ANKDD1A: variants seen among roughly 807,000 people sequenced by gnomAD.
ANKDD1A encodes ankyrin repeat and death domain containing 1A, also known as ankyrin repeat and death domain-containing protein 1A.
In ANKDD1A, 59 loss-of-function variants were observed where a neutral mutation model predicts 63.5. That is an observed-to-expected ratio of 0.93 (90% CI 0.75 to 1.15). The LOEUF is 1.15. Ranked by LOEUF, ANKDD1A falls within the 50% of genes most tolerant of loss-of-function variation. The pLI is 0.00. For synonymous variants in ANKDD1A, 266 were observed against 263.9 expected, an observed-to-expected ratio of 1.01 and a Z score of -0.08; for missense variants, 632 against 656.4, an observed-to-expected ratio of 0.96 and a Z score of 0.41.
In ANKDD1A at chr15:64,945,617, T is replaced by TATATATATATATATATATATAC. The variant is rs1177204265; in HGVS notation, c.1161+884_1161+885insATATATACATATATATATATAT. The stretch of plus-strand genomic sequence containing the variant: ...TAAATGCATTTTCAACATATATATA[T>TATATATATATATATATATATAC]ATATATATATATATGAACTTTTTTT... On this transcript the variant is annotated intron_variant, in intron 12 of 14. Transcript: ENST00000319580. 6.7e-4 allele frequency among the ~76,000 whole-genome samples: 48 copies of TATATATATATATATATATATAC among 71,286 alleles called. 1 individual carries two copies. The highest frequency in any genetic ancestry group is 3.0e-3 in the African/African-American group (48 of 16,176). 46.8% of individuals were successfully genotyped at this position (71,286 alleles called of 152,430 possible).
chr15:64,932,284 CAGATGA>C (rs2085098036), intron 8 of ANKDD1A: 1 of 152,218 alleles, frequency 6.6e-6, no homozygotes, highest in Non-Finnish European at 1.5e-5. Context: ...ACCCATTTTG[CAGATGA>C]GAAAACTGGA....
chr15:64,954,478 TTTCTTCTTCCTTCTCC>T lies in ANKDD1A; in HGVS notation c.1484-2610_1484-2595del, dbSNP rs1383594019. Among the ~76,000 whole-genome samples, 1,402 of 149,012 alleles carry T rather than the reference TTTCTTCTTCCTTCTCC, an allele frequency of 9.4e-3. 19 individuals are homozygous for T. The highest frequency in any genetic ancestry group is 0.033 in the African/African-American group (1,327 of 40,286). On this transcript the variant is annotated intron_variant, in intron 14 of 14. Transcript: ENST00000319580. ...CTTCCCTCTTCTCCTTCTTCCTCTTTTTCTTCTTCCTTCTCCTTCTTCTTCCTTCTTCTCCTCTTTC... is the reference window on the plus strand; with the variant it reads ...CTTCCCTCTTCTCCTTCTTCCTCTTTTTCTTCTTCCTTCTTCTCCTCTTTC...
chr15:64,922,700 G>A (rs774911915), intron 4 of ANKDD1A, among the ~76,000 whole-genome samples: 1 of 152,256 alleles, frequency 6.6e-6, no homozygotes, highest in Middle Eastern at 3.4e-3. Context: ...GGAGTGCAGT[G>A]GCATGATCTC....
At chr15:64,950,782 G>C (rs1595857677) in intron 14 of ANKDD1A, 4 of 955,122 alleles carry the variant, frequency 4.2e-6, no homozygotes, top group Non-Finnish European at 4.9e-6. Context: ...GAAAAGCTAA[G>C]ACTCATTTCA....
At chr15:64,953,061 TCC>T (rs2085329993) in intron 14 of ANKDD1A, among the ~76,000 whole-genome samples, 1 of 148,568 alleles carries the variant, frequency 6.7e-6, no homozygotes, top group Non-Finnish European at 1.5e-5. Context: ...TCTTTTTTCT[TCC>T]TCTTTCCTTC....
chr15:64,935,440 C>G (rs1476649543), intron 9 of ANKDD1A, among the ~76,000 whole-genome samples: 1 of 151,922 alleles, frequency 6.6e-6, no homozygotes, highest in South Asian at 2.1e-4. Flanking sequence ...CTTTGGGAGG[C>G]CGAGGCGGGC....
rs1321190311 is a variant in ANKDD1A at position 64,954,163 on chromosome 15, CTTCTTTCTTTT to C, written c.1484-2939_1484-2929del. On this transcript the variant is annotated intron_variant, in intron 14 of 14. Transcript: ENST00000319580. ...TTCTTCTTGTTCCTTATTATTCTTT[CTTCTTTCTTTT>C]CTTCTTCTTCTCCTTCTTTCTTGTT... Among the ~76,000 whole-genome samples the C allele has an allele frequency of 3.1e-3, 402 of 131,538 alleles. 1 individual carries two copies. The highest frequency in any genetic ancestry group is 9.9e-3 in the African/African-American group (378 of 38,104). 86.3% of individuals were successfully genotyped at this position (131,538 alleles called of 152,430 possible). A position where few individuals can be genotyped will look rare whatever the true frequency, so the allele number is the denominator to read the frequency against.
At chr15:64,956,422 A>G (rs1014409038) in intron 14 of ANKDD1A, among the ~76,000 whole-genome samples, 7 of 151,984 alleles carry the variant, frequency 4.6e-5, no homozygotes, top group Admixed American at 6.6e-5. Context: ...GGTGGCGGGC[A>G]CCTGTAGTCA....
At chr15:64,954,425 CTTCG>C (rs1436992462) in intron 14 of ANKDD1A, among the ~76,000 whole-genome samples, 19 of 147,442 alleles carry the variant, frequency 1.3e-4, no homozygotes, top group African/African-American at 4.2e-4. Context: ...TCCTCTCCTC[CTTCG>C]TTCGTCGTCT....
chr15:64,951,322 T>C, intron 14 of ANKDD1A: 1 of 811,684 alleles, frequency 1.2e-6, no homozygotes, highest in Non-Finnish European at 1.4e-6. Flanking sequence ...TCTTCTTTCT[T>C]CTTTCCTCTT....
Position 64,957,902 on chromosome 15 carries a change from C to T in ANKDD1A, c.*714C>T, listed in dbSNP as rs1193653891. 1 of 152,060 alleles carries T rather than the reference C, an allele frequency of 6.6e-6. No homozygotes were observed. The highest frequency in any genetic ancestry group is 6.6e-5 in the Admixed American group (1 of 15,250). The allele number at this position is 152,060 out of a possible 1,614,324, so 9.4% of individuals were successfully genotyped here. ...GTAAGAAAGAAAGGAAATTAGAAAA[C>T]ATATTTGCATAAATAAAAGCTAGAC... On this transcript the variant is annotated 3_prime_UTR_variant, in exon 15 of 15. Coordinates refer to ENST00000319580, the MANE Select transcript of ANKDD1A (RefSeq NM_182703.6).
At chr15:64,933,565 C>G (rs1324550751) in intron 8 of ANKDD1A, among the ~76,000 whole-genome samples, 1 of 152,206 alleles carries the variant, frequency 6.6e-6, no homozygotes, top group Non-Finnish European at 1.5e-5. Flanking sequence ...ACCTCCTGGC[C>G]AGGTGCGGTG....
chr15:64,929,975 T>A (rs1567112138), intron 6 of ANKDD1A, among the ~76,000 whole-genome samples: 1 of 152,148 alleles, frequency 6.6e-6, no homozygotes. Context: ...ACCATCATCC[T>A]CAGCAAACTA....
chr15:64,952,018 A>G (rs1160291485), intron 14 of ANKDD1A, among the ~76,000 whole-genome samples: 2 of 101,388 alleles, frequency 2.0e-5, no homozygotes, highest in African/African-American at 7.6e-5. Flanking sequence ...TCCATCTTCT[A>G]TCTTCTTTTT....
At chr15:64,943,372 ATTAAAG>A in intron 10 of ANKDD1A, 106 bp from the exon 11 acceptor site, 1 of 844,056 alleles carries the variant, frequency 1.2e-6, no homozygotes, top group African/African-American at 1.7e-5. Context: ...AACATTCTGC[ATTAAAG>A]AAAAGACTAG....
At chr15:64,946,429 A>G (rs2085223525) in intron 12 of ANKDD1A, among the ~76,000 whole-genome samples, 1 of 152,222 alleles carries the variant, frequency 6.6e-6, no homozygotes, top group Non-Finnish European at 1.5e-5. Context: ...CTTAAACATG[A>G]CAACCCCTTT....
At chr15:64,937,703 G>C (rs1211334180) in intron 9 of ANKDD1A, among the ~76,000 whole-genome samples, 1 of 151,982 alleles carries the variant, frequency 6.6e-6, no homozygotes, top group African/African-American at 2.4e-5. Flanking sequence ...ACTCCAGCCT[G>C]GATGACAGTG....
At chr15:64,953,179 TTTC>T (rs1433926598) in intron 14 of ANKDD1A, among the ~76,000 whole-genome samples, 9 of 134,626 alleles carry the variant, frequency 6.7e-5, no homozygotes, top group South Asian at 2.3e-4. Flanking sequence ...TTTTCTTCTT[TTTC>T]TTCTTCCTCT....
chr15:64,944,601 T>G, intron 11 of ANKDD1A, 51 bp from the exon 12 acceptor site: 1 of 1,555,362 alleles, frequency 6.4e-7, no homozygotes, highest in Non-Finnish European at 8.8e-7. Context: ...GAAACCCTTG[T>G]GTACCCCTCC....
Sources: allele counts gnomAD v4.1 joint callset (sites outside exome capture counted in the v4.1 genomes callset), GRCh38; gene constraint gnomAD v4.1.1; transcripts MANE v1.5; gene names NCBI Gene and HGNC (gene_info 2026-07-23, HGNC 2026-07-21).